Variants in PODXL observed in about 807,000 individuals in gnomAD.
PODXL encodes the protein podocalyxin.
Under a neutral mutation model 48.9 loss-of-function variants are expected in PODXL, and 20 were observed. The observed-to-expected ratio is 0.41, with a 90% CI of 0.29 to 0.59. The LOEUF (loss-of-function observed/expected upper bound fraction) is 0.59, where lower values mean the gene tolerates loss of function less well. Ranked by LOEUF, PODXL falls within the 20% of genes least tolerant of loss-of-function variation. PODXL has a pLI of 0.31. For missense variants in PODXL, 606 were observed against 675.1 expected (o/e 0.90, Z 1.13); for synonymous variants, 295 against 287.4 (o/e 1.03, Z -0.27).
chr7:131,508,082 G>A (rs1057467792), intron 5 of PODXL, among the ~76,000 whole-genome samples: 7 of 152,196 alleles, frequency 4.6e-5, no homozygotes, highest in Non-Finnish European at 4.4e-5. Flanking sequence ...AGCACCCGCC[G>A]CGCTCGGCAG....
intron 1 of PODXL, among the ~76,000 whole-genome samples, chr7:131,542,892 C>A (rs989884549): frequency 6.6e-6 from 1 of 152,090 alleles, no homozygotes; most frequent in African/African-American, 2.4e-5. Flanking sequence ...GGAGCTGTCA[C>A]CTTTCTTGTT....
chr7:131,550,791 A>ACACACACACG (rs991048154), intron 1 of PODXL, among the ~76,000 whole-genome samples: 4 of 152,092 alleles, frequency 2.6e-5, no homozygotes, highest in Admixed American at 1.3e-4. Flanking sequence ...GCACGCACAC[A>ACACACACACG]CACACACACG....
At chr7:131,556,201 C>A in intron 1 of PODXL, 59 bp downstream of exon 1, 3 of 1,381,792 alleles carry the variant, frequency 2.2e-6, no homozygotes, top group South Asian at 1.6e-5. Flanking sequence ...GCAGCTCGGC[C>A]GGGCAGGGGG....
intron 1 of PODXL, among the ~76,000 whole-genome samples, chr7:131,519,542 G>GT (rs965536770): frequency 1.3e-5 from 2 of 151,146 alleles, no homozygotes; most frequent in Admixed American, 6.6e-5. Flanking sequence ...ATCAAAAATT[G>GT]TTTTTTTTAA....
At chr7:131,533,632 C>T (rs1798319002) in intron 1 of PODXL, among the ~76,000 whole-genome samples, 1 of 152,182 alleles carries the variant, frequency 6.6e-6, no homozygotes, top group South Asian at 2.1e-4. Flanking sequence ...TGGTTCACAC[C>T]ACTTCTTCCC....
At position 131,504,024 on chromosome 7, in the gene PODXL, T is replaced by G; in HGVS notation, c.*287A>C. On this transcript the variant is annotated 3_prime_UTR_variant, in exon 9 of 9. Transcript: ENST00000378555. ...GCAATCTCACTGCAGAATGAAGGGA[T>G]TCCACTAGTTCATCTATAAAGTCCC... 1 of 459,522 alleles carries G rather than the reference T, an allele frequency of 2.2e-6. No individual in the cohort carries two copies. The highest frequency in any genetic ancestry group is 3.7e-5 in the Admixed American group (1 of 26,736). The allele number at this position is 459,522 out of a possible 1,614,324, so 28.5% of individuals were successfully genotyped here.
At chr7:131,544,812 T>A (rs1798546322) in intron 1 of PODXL, among the ~76,000 whole-genome samples, 1 of 152,086 alleles carries the variant, frequency 6.6e-6, no homozygotes, top group African/African-American at 2.4e-5. Flanking sequence ...AGCTGGTGGC[T>A]TAACAAACAA....
intron 1 of PODXL, among the ~76,000 whole-genome samples, chr7:131,531,536 G>A (rs191540452): frequency 2.0e-5 from 3 of 152,228 alleles, no homozygotes; most frequent in East Asian, 1.9e-4. Context: ...ACCTACGACC[G>A]CCATAACAAA....
In PODXL at chr7:131,540,878, G is replaced by A. The variant is rs577779572; in HGVS notation, c.100+15382C>T. Among the ~76,000 whole-genome samples the A allele has an allele frequency of 1.9e-4, 29 of 152,326 alleles. No individual in the cohort carries two copies. In the South Asian group the frequency reaches 6.0e-3, roughly 32 times the overall value. Reference sequence around the variant, plus strand: ...GGGATAGTCACCTCTGAAACGGAGAGTGCCTCTGGGAAGAGAGGGAGAAAG... The same window carrying A: ...GGGATAGTCACCTCTGAAACGGAGAATGCCTCTGGGAAGAGAGGGAGAAAG... On this transcript the variant is annotated intron_variant, in intron 1 of 8. Coordinates refer to ENST00000378555, the MANE Select transcript of PODXL (RefSeq NM_001018111.3).
At chr7:131,524,763 A>T (rs966009537) in intron 1 of PODXL, among the ~76,000 whole-genome samples, 1 of 152,198 alleles carries the variant, frequency 6.6e-6, no homozygotes, top group African/African-American at 2.4e-5. Flanking sequence ...ACCTACATGA[A>T]ATGAAAACCT....
intron 1 of PODXL, among the ~76,000 whole-genome samples, chr7:131,555,701 C>T (rs1173151948): frequency 1.3e-5 from 2 of 152,216 alleles, no homozygotes; most frequent in African/African-American, 2.4e-5. Context: ...CCTGCCCCAG[C>T]ACGGGCTCAA....
intron 1 of PODXL, among the ~76,000 whole-genome samples, chr7:131,519,276 T>C (rs1798057243): frequency 6.6e-6 from 1 of 152,162 alleles, no homozygotes; most frequent in Non-Finnish European, 1.5e-5. Flanking sequence ...GTTTTTTCAC[T>C]CCTCATTCAG....
At chr7:131,524,591 G>C (rs2116821623) in intron 1 of PODXL, among the ~76,000 whole-genome samples, 1 of 152,262 alleles carries the variant, frequency 6.6e-6, no homozygotes, top group South Asian at 2.1e-4. Context: ...TATTGGAATA[G>C]CTAAAATCAA....
rs561259511 is a variant in PODXL, at chr7:131,506,133, C to T, written c.1312-98G>A. The T allele has an allele frequency of 2.7e-5, 42 of 1,544,564 alleles. No individual in the cohort carries two copies. The South Asian group carries it at 3.0e-4, about 11-fold the overall frequency. ...CCTCCGCTTGCAGTCTGCTAGGGTC[C>T]GTGCCGCCGCCCTCTTCTACATGCA... On this transcript the variant is annotated intron_variant, in intron 7 of 8. Transcript: ENST00000378555.
intron 1 of PODXL, among the ~76,000 whole-genome samples, chr7:131,540,123 G>C (rs750193219): frequency 6.6e-6 from 1 of 152,072 alleles, no homozygotes; most frequent in Non-Finnish European, 1.5e-5. Context: ...GCTCACTGCA[G>C]CTTCAACCTC....
At position 131,510,847 on chromosome 7, in the gene PODXL, C is replaced by G; in HGVS notation, c.687G>C (p.Pro229=). ...VAIPGYTFTS[P]GMTTTLLETV... ...ACTTACGTAGGGTGGTGGTCATCCC[C>G]GGGCTTGTGAAGGTGTAGCCAGGGA... is the stretch of plus-strand genomic sequence containing the variant. The change falls in exon 2 of 9, where the codon CCG becomes CCC. Residue 229 remains proline, a synonymous_variant. Transcript: ENST00000378555. The G allele has an allele frequency of 6.2e-7, 1 of 1,614,090 alleles. No individual in the cohort carries two copies. The highest frequency in any genetic ancestry group is 8.5e-7 in the Non-Finnish European group (1 of 1,180,020).
chr7:131,507,121 G>A (rs555270901), intron 5 of PODXL, among the ~76,000 whole-genome samples: 27 of 152,308 alleles, frequency 1.8e-4, no homozygotes, highest in African/African-American at 5.3e-4. Flanking sequence ...AGCCCGCAGG[G>A]AGACTCCAAT....
chr7:131,547,148 C>T lies in PODXL; in HGVS notation c.100+9112G>A, dbSNP rs118045387. ...CTATCACTTTGGGAGGCTGATTAGG[C>T]GGATCACCTGAGGTTGGGAGTTCAA... is the stretch of plus-strand genomic sequence containing the variant. On this transcript the variant is annotated intron_variant, in intron 1 of 8. Transcript: ENST00000378555. Among the ~76,000 whole-genome samples, 799 of 152,074 alleles carry T rather than the reference C, an allele frequency of 5.3e-3. 4 individuals are homozygous for T. The highest frequency in any genetic ancestry group is 0.012 in the South Asian group (59 of 4,812).
intron 1 of PODXL, among the ~76,000 whole-genome samples, chr7:131,548,144 G>A (rs1321803660): frequency 2.0e-5 from 3 of 152,344 alleles, no homozygotes; most frequent in East Asian, 1.9e-4. Context: ...CCACATAACT[G>A]GAGGACTAAG....
Sources: gnomAD v4.1 joint callset for allele counts (sites outside exome capture counted in the v4.1 genomes callset) on GRCh38, gnomAD v4.1.1 for gene constraint, MANE v1.5 for transcripts, NCBI Gene and HGNC (gene_info 2026-07-23, HGNC 2026-07-21) for gene names.